Variants in NCAM1 observed in about 807,000 individuals in gnomAD.
NCAM1 encodes antigen recognized by monoclonal antibody 5.1H11.
Under a neutral mutation model 109.8 loss-of-function variants are expected in NCAM1, and 14 were observed. That is an observed-to-expected ratio of 0.13 (90% CI 0.08 to 0.20). The LOEUF is 0.20. NCAM1 is among the 10% of genes least tolerant of loss of function. The probability of loss-of-function intolerance (pLI) is 1.00; values close to 1 mark genes in which losing one functional copy is unlikely to be tolerated. For missense variants in NCAM1, 774 were observed against 1,109.9 expected (o/e 0.70, Z 4.30); for synonymous variants, 418 against 442.9 (o/e 0.94, Z 0.70).
intron 1 of NCAM1, among the ~76,000 whole-genome samples, chr11:113,161,877 TGCCAGGGAGCA>T (rs1304952577): frequency 6.6e-6 from 1 of 152,184 alleles, no homozygotes; most frequent in Non-Finnish European, 1.5e-5. Context: ...GAGCCTTCTA[TGCCAGGGAGCA>T]GCTGGTCATT....
chr11:112,966,544 A>T (rs891480950), intron 1 of NCAM1, among the ~76,000 whole-genome samples: 3 of 152,250 alleles, frequency 2.0e-5, no homozygotes, highest in African/African-American at 7.2e-5. Context: ...AGAATACAGA[A>T]GTCAATCTGA....
At chr11:113,167,211 T>G (rs1229850244) in intron 1 of NCAM1, among the ~76,000 whole-genome samples, 1 of 152,244 alleles carries the variant, frequency 6.6e-6, no homozygotes, top group Non-Finnish European at 1.5e-5. Flanking sequence ...ATCACTGGCC[T>G]TCAATTTGCC....
chr11:113,054,297 T>A (rs1953613326), intron 1 of NCAM1, among the ~76,000 whole-genome samples: 1 of 152,210 alleles, frequency 6.6e-6, no homozygotes, highest in Non-Finnish European at 1.5e-5. Flanking sequence ...CTTTTTAAAA[T>A]TCCTGTACTT....
Position 113,277,374 on chromosome 11 carries a change from C to T in NCAM1, c.*1987C>T, listed in dbSNP as rs146482354. 9.4e-4 allele frequency: 377 copies of T among 399,060 alleles called. No individual in the cohort carries two copies. Among genetic ancestry groups the T allele is most frequent in the African/African-American group, 5.5e-3 (269 of 48,734 alleles). 24.7% of individuals were successfully genotyped at this position (399,060 alleles called of 1,614,324 possible). ...CTCCTGGGGATGGAAATGGAGGATCCCAGAACACACAGCCCTGGCCCCTTT... is the reference window on the plus strand; with the variant it reads ...CTCCTGGGGATGGAAATGGAGGATCTCAGAACACACAGCCCTGGCCCCTTT... On this transcript the variant is annotated 3_prime_UTR_variant, in exon 20 of 20. Transcript: ENST00000316851.
At chr11:113,192,081 G>T (rs1450858822) in intron 1 of NCAM1, among the ~76,000 whole-genome samples, 2 of 152,204 alleles carry the variant, frequency 1.3e-5, no homozygotes, top group Non-Finnish European at 2.9e-5. Flanking sequence ...TGCCATGTTG[G>T]CAAAAGCAGT....
intron 1 of NCAM1, among the ~76,000 whole-genome samples, chr11:113,098,487 G>A (rs186255918): frequency 2.6e-4 from 39 of 151,828 alleles, no homozygotes; most frequent in Middle Eastern, 3.4e-3. Flanking sequence ...TTTGATCCAC[G>A]GTTGGTTGAA....
At chr11:113,003,686 A>T (rs1951814821) in intron 1 of NCAM1, among the ~76,000 whole-genome samples, 1 of 152,186 alleles carries the variant, frequency 6.6e-6, no homozygotes. Flanking sequence ...TGCATTACAG[A>T]TTTGCTATAG....
At chr11:113,045,130 A>G (rs1953221516) in intron 1 of NCAM1, among the ~76,000 whole-genome samples, 1 of 152,226 alleles carries the variant, frequency 6.6e-6, no homozygotes, top group South Asian at 2.1e-4. Context: ...TGTATTCGTT[A>G]AACACATACG....
At chr11:113,110,594 A>G (rs767115593) in intron 1 of NCAM1, among the ~76,000 whole-genome samples, 8 of 152,232 alleles carry the variant, frequency 5.3e-5, no homozygotes, top group Non-Finnish European at 1.2e-4. Context: ...CTAAATAGTA[A>G]GAAAATATTG....
At chr11:113,170,433 T>C (rs1942954200) in intron 1 of NCAM1, among the ~76,000 whole-genome samples, 1 of 152,138 alleles carries the variant, frequency 6.6e-6, no homozygotes, top group African/African-American at 2.4e-5. Flanking sequence ...AAGTGACAAA[T>C]ACCTGACAAA....
chr11:113,046,265 C>T (rs1010191089), intron 1 of NCAM1, among the ~76,000 whole-genome samples: 2 of 152,132 alleles, frequency 1.3e-5, no homozygotes, highest in East Asian at 1.9e-4. Flanking sequence ...GTGAAACAAA[C>T]GGAAAAGCAG....
At chr11:113,148,405 C>T (rs1405320196) in intron 1 of NCAM1, among the ~76,000 whole-genome samples, 2 of 141,866 alleles carry the variant, frequency 1.4e-5, no homozygotes, top group Non-Finnish European at 3.0e-5. Context: ...TTTAAGTTAA[C>T]TAGATCAAAC....
intron 1 of NCAM1, among the ~76,000 whole-genome samples, chr11:112,982,798 T>C (rs1951188608): frequency 6.6e-6 from 1 of 151,770 alleles, no homozygotes; most frequent in South Asian, 2.1e-4. Flanking sequence ...AAAAAGGTAA[T>C]AGTTTGGCTT....
At chr11:113,009,353 C>G (rs1951984207) in intron 1 of NCAM1, among the ~76,000 whole-genome samples, 1 of 90,020 alleles carries the variant, frequency 1.1e-5, no homozygotes, top group Non-Finnish European at 2.1e-5. Flanking sequence ...TTGAGATGGT[C>G]TCACTCTGTC....
At chr11:113,165,199 AC>A (rs1175739788) in intron 1 of NCAM1, among the ~76,000 whole-genome samples, 1 of 152,090 alleles carries the variant, frequency 6.6e-6, no homozygotes, top group Non-Finnish European at 1.5e-5. Context: ...ATTATTCAGG[AC>A]CCTCCACAAG....
chr11:113,147,560 G>A (rs994656909), intron 1 of NCAM1, among the ~76,000 whole-genome samples: 10 of 152,230 alleles, frequency 6.6e-5, no homozygotes, highest in African/African-American at 1.9e-4. Context: ...TAGGTGGGAC[G>A]ACTCTGCTAA....
In NCAM1 at chr11:112,980,606, A is replaced by G. The variant is rs567750834; in HGVS notation, c.52+18942A>G. ...GTTTGTTTGTTTTTTTGTAACCATG[A>G]AAGTTTATTTATTTATTTTTCAATA... On this transcript the variant is annotated intron_variant, in intron 1 of 19. Transcript: ENST00000316851. 9.2e-5 allele frequency among the ~76,000 whole-genome samples: 14 copies of G among 151,800 alleles called. No homozygotes were observed. The South Asian group carries it at 2.7e-3, about 29-fold the overall frequency.
chr11:113,147,902 A>C (rs1289378981), intron 1 of NCAM1, among the ~76,000 whole-genome samples: 16 of 152,188 alleles, frequency 1.1e-4, no homozygotes, highest in African/African-American at 3.9e-4. Flanking sequence ...CGTGGCCACT[A>C]CTCTAGGCTC....
At chr11:113,104,271 T>G (rs969604659) in intron 1 of NCAM1, among the ~76,000 whole-genome samples, 1 of 151,384 alleles carries the variant, frequency 6.6e-6, no homozygotes, top group South Asian at 2.1e-4. Context: ...TTTTTTTGTT[T>G]ACAGGAGTGA....
Sources: allele counts gnomAD v4.1 joint callset (sites outside exome capture counted in the v4.1 genomes callset), GRCh38; gene constraint gnomAD v4.1.1; transcripts MANE v1.5; gene names NCBI Gene and HGNC (gene_info 2026-07-23, HGNC 2026-07-21).